MGMT: variants seen among roughly 807,000 people sequenced by gnomAD.
MGMT encodes methylated-DNA--protein-cysteine methyltransferase.
In MGMT, 14 loss-of-function variants were observed where a neutral mutation model predicts 15.9. That is an observed-to-expected ratio of 0.88 (90% CI 0.58 to 1.37). The LOEUF is 1.37. Ranked by LOEUF, MGMT falls within the 40% of genes most tolerant of loss-of-function variation. MGMT has a pLI of 0.00. For synonymous variants in MGMT, 130 were observed against 118.2 expected (o/e 1.10, Z -0.65); for missense variants, 282 against 268.1 (o/e 1.05, Z -0.36).
At position 129,760,047 on chromosome 10, in the gene MGMT, A is replaced by G. The variant is rs545900305; in HGVS notation, c.414+706A>G. Reference sequence around the variant, plus strand: ...CTCCCAGGCTATGCAGCCTCAGGCCATGCTCCCCAGAGGACAAGGCCCAAC... The same window carrying G: ...CTCCCAGGCTATGCAGCCTCAGGCCGTGCTCCCCAGAGGACAAGGCCCAAC... On this transcript the variant is annotated intron_variant, in intron 4 of 4. Transcript: ENST00000651593. Among the ~76,000 whole-genome samples, 6 of 152,328 alleles carry G rather than the reference A, an allele frequency of 3.9e-5. No homozygotes were observed. The East Asian group carries it at 9.7e-4, about 25-fold the overall frequency.
At chr10:129,690,836 G>T (rs1052132013) in intron 2 of MGMT, among the ~76,000 whole-genome samples, 2 of 152,160 alleles carry the variant, frequency 1.3e-5, no homozygotes, top group African/African-American at 2.4e-5. Context: ...AGACTGCAGG[G>T]CTGTGCCCAG....
intron 1 of MGMT, among the ~76,000 whole-genome samples, chr10:129,508,845 C>A (rs1346203103): frequency 6.6e-6 from 1 of 152,026 alleles, no homozygotes. Context: ...CCAGGCCTGG[C>A]CAGATTTAGT....
chr10:129,558,672 C>T (rs925392299), intron 2 of MGMT, among the ~76,000 whole-genome samples: 1 of 152,160 alleles, frequency 6.6e-6, no homozygotes, highest in Admixed American at 6.5e-5. Flanking sequence ...TTGTGGAAAT[C>T]TCCGGCGTCT....
chr10:129,739,435 A>G (rs1848604700), intron 3 of MGMT, among the ~76,000 whole-genome samples: 1 of 152,132 alleles, frequency 6.6e-6, no homozygotes, highest in South Asian at 2.1e-4. Context: ...CCTCTTTTTT[A>G]TTTTCGAAAA....
chr10:129,685,522 T>TGTGG (rs1847895715), intron 2 of MGMT, among the ~76,000 whole-genome samples: 1 of 152,206 alleles, frequency 6.6e-6, no homozygotes, highest in Non-Finnish European at 1.5e-5. Flanking sequence ...GACCTTCTTC[T>TGTGG]GTGGGCTCCT....
At chr10:129,752,168 C>CTGT (rs1848756978) in intron 3 of MGMT, among the ~76,000 whole-genome samples, 1 of 151,910 alleles carries the variant, frequency 6.6e-6, no homozygotes, top group Non-Finnish European at 1.5e-5. Flanking sequence ...GTTTTGAAAT[C>CTGT]TGTTGTAAGA....
chr10:129,747,435 G>C (rs1042570847), intron 3 of MGMT, among the ~76,000 whole-genome samples: 1 of 152,084 alleles, frequency 6.6e-6, no homozygotes, highest in Admixed American at 6.5e-5. Flanking sequence ...TTTCTGACTG[G>C]ATATAGATTA....
In MGMT at chr10:129,566,251, C is replaced by T. The variant is rs1260924711; in HGVS notation, c.125+29874C>T. Among the ~76,000 whole-genome samples the T allele has an allele frequency of 1.3e-5, 2 of 152,188 alleles. No homozygotes were observed. The highest frequency in any genetic ancestry group is 2.1e-4 in the South Asian group (1 of 4,834). On this transcript the variant is annotated intron_variant, in intron 2 of 4. Transcript: ENST00000651593. The surrounding 1 kb of genome is among the most constrained non-coding windows in gnomAD (Gnocchi z 4.1). ...CTGTCTAGGTGCCAGGGGCTCGGGA[C>T]ACAGAGCTCCTGGAGGCCGAGCACA...
intron 2 of MGMT, among the ~76,000 whole-genome samples, chr10:129,541,988 C>T (rs1264787232): frequency 1.3e-5 from 2 of 152,190 alleles, no homozygotes; most frequent in African/African-American, 4.8e-5. Flanking sequence ...ACCAGCTAGG[C>T]TGGCCTGACC....
intron 3 of MGMT, among the ~76,000 whole-genome samples, chr10:129,745,679 T>G (rs1336086720): frequency 6.6e-6 from 1 of 152,096 alleles, no homozygotes; most frequent in African/African-American, 2.4e-5. Flanking sequence ...GATATCTCAT[T>G]GTTTTCATTT....
At chr10:129,580,681 C>T (rs928049243) in intron 2 of MGMT, among the ~76,000 whole-genome samples, 1 of 152,236 alleles carries the variant, frequency 6.6e-6, no homozygotes, top group South Asian at 2.1e-4. Flanking sequence ...CATCCTGTAC[C>T]TAGGGACACC....
At chr10:129,572,572 TAA>T (rs1426351132) in intron 2 of MGMT, among the ~76,000 whole-genome samples, 1 of 152,214 alleles carries the variant, frequency 6.6e-6, no homozygotes, top group Non-Finnish European at 1.5e-5. Flanking sequence ...AATTTAGAAT[TAA>T]GTGTGGAAGT....
intron 2 of MGMT, among the ~76,000 whole-genome samples, chr10:129,557,371 T>C (rs538621242): frequency 6.6e-6 from 1 of 152,332 alleles, no homozygotes; most frequent in East Asian, 1.9e-4. Flanking sequence ...CCTTGTCTGC[T>C]TCTGCCCGAG....
intron 2 of MGMT, among the ~76,000 whole-genome samples, chr10:129,593,099 G>A (rs1846708363): frequency 6.6e-6 from 1 of 152,160 alleles, no homozygotes; most frequent in Non-Finnish European, 1.5e-5. Context: ...GTAGGGTGAG[G>A]GAGAAGCCCC....
At chr10:129,718,026 C>A (rs1406405897) in intron 3 of MGMT, among the ~76,000 whole-genome samples, 2 of 152,190 alleles carry the variant, frequency 1.3e-5, no homozygotes, top group Non-Finnish European at 2.9e-5. Context: ...AACCCATGTG[C>A]TGTGAGAGAC....
intron 2 of MGMT, among the ~76,000 whole-genome samples, chr10:129,559,906 A>G (rs1846257445): frequency 6.6e-6 from 1 of 152,206 alleles, no homozygotes; most frequent in Admixed American, 6.5e-5. Flanking sequence ...GCAGAAATGG[A>G]CAAATGCAGG....
chr10:129,690,149 C>T (rs995972970), intron 2 of MGMT, among the ~76,000 whole-genome samples: 2 of 152,130 alleles, frequency 1.3e-5, no homozygotes, highest in Non-Finnish European at 1.5e-5. Context: ...CAGTAGAAGC[C>T]CAGTCTAAAA....
At chr10:129,688,540 T>C (rs1321311381) in intron 2 of MGMT, among the ~76,000 whole-genome samples, 1 of 152,160 alleles carries the variant, frequency 6.6e-6, no homozygotes, top group East Asian at 1.9e-4. Context: ...ATGGTGTTGT[T>C]TGATTTTTTT....
rs142709557 is a variant in MGMT, at chr10:129,732,135, T to A, written c.274+24092T>A. ...AAAATATTACTCACATTGCCTGATA[T>A]GTTGTGGGCTCCTCCTTTTTTAAAT... On this transcript the variant is annotated intron_variant, in intron 3 of 4. Transcript: ENST00000651593. 1.2e-4 allele frequency among the ~76,000 whole-genome samples: 17 copies of A among 145,914 alleles called. No homozygotes were observed. The East Asian group carries it at 2.3e-3, about 20-fold the overall frequency.
Sources: allele counts gnomAD v4.1 joint callset (sites outside exome capture counted in the v4.1 genomes callset), GRCh38; gene constraint gnomAD v4.1.1; non-coding constraint Gnocchi (gnomAD v3.1); transcripts MANE v1.5; gene names NCBI Gene and HGNC (gene_info 2026-07-23, HGNC 2026-07-21).